Variants in PRKD1 observed in about 807,000 individuals in gnomAD.
PRKD1 encodes serine/threonine-protein kinase D1.
In PRKD1, 63 loss-of-function variants were observed where a neutral mutation model predicts 95.9. The ratio of observed to expected loss-of-function variants is 0.66; its 90% CI spans 0.54 to 0.81. The LOEUF is 0.81. Ranked by LOEUF, PRKD1 falls within the 30% of genes least tolerant of loss-of-function variation. The pLI is 0.00. For missense variants in PRKD1, 1,048 were observed against 1,165.3 expected (o/e 0.90, Z 1.47); for synonymous variants, 425 against 423.1 (o/e 1.00, Z -0.05).
chr14:29,679,839 T>A, intron 2 of PRKD1, among the ~76,000 whole-genome samples: 1 of 151,790 alleles, frequency 6.6e-6, no homozygotes, highest in East Asian at 1.9e-4. Context: ...GCAATTCTCC[T>A]GCCTCAGCCT....
chr14:29,696,608 T>A (rs531268199), intron 2 of PRKD1, among the ~76,000 whole-genome samples: 13 of 152,344 alleles, frequency 8.5e-5, no homozygotes, highest in Admixed American at 5.9e-4. Flanking sequence ...AAATTTTATA[T>A]GAGTGAATTT....
chr14:29,894,225 G>A (rs1894039521), intron 1 of PRKD1, among the ~76,000 whole-genome samples: 1 of 152,212 alleles, frequency 6.6e-6, no homozygotes, highest in Non-Finnish European at 1.5e-5. Context: ...GAGGTGGGAG[G>A]AGGCGGGGGA....
chr14:29,760,632 C>T (rs917912615), intron 1 of PRKD1, among the ~76,000 whole-genome samples: 1 of 152,024 alleles, frequency 6.6e-6, no homozygotes, highest in African/African-American at 2.4e-5. Context: ...GGATTACAGG[C>T]GTGAGCCACC....
At chr14:29,658,048 A>G (rs1881989498) in intron 4 of PRKD1, 1 of 152,220 alleles carries the variant, frequency 6.6e-6, no homozygotes. Context: ...ATTTGCATGC[A>G]GAAATGGCAA....
chr14:29,832,491 T>C (rs1399671279), intron 1 of PRKD1, among the ~76,000 whole-genome samples: 1 of 152,184 alleles, frequency 6.6e-6, no homozygotes, highest in Admixed American at 6.5e-5. Context: ...GTTTTTTTAA[T>C]AGTATCCTTT....
chr14:29,586,134 T>G (rs946551893), intron 16 of PRKD1, among the ~76,000 whole-genome samples: 1 of 152,174 alleles, frequency 6.6e-6, no homozygotes, highest in African/African-American at 2.4e-5. Context: ...AGAACATTGA[T>G]AGTGGTTAAA....
chr14:29,710,558 G>A (rs1259187207), intron 2 of PRKD1, among the ~76,000 whole-genome samples: 2 of 152,060 alleles, frequency 1.3e-5, no homozygotes, highest in Non-Finnish European at 1.5e-5. Flanking sequence ...CTGAGAAACC[G>A]TCACAGACCA....
At chr14:29,757,104 T>G (rs1484309028) in intron 1 of PRKD1, among the ~76,000 whole-genome samples, 1 of 152,192 alleles carries the variant, frequency 6.6e-6, no homozygotes, top group Non-Finnish European at 1.5e-5. Context: ...TGTGAATGGT[T>G]CTTAATAAAT....
chr14:29,606,014 T>C (rs535512414), intron 13 of PRKD1, among the ~76,000 whole-genome samples: 1 of 152,266 alleles, frequency 6.6e-6, no homozygotes, highest in Admixed American at 6.5e-5. Context: ...ACTTTTTTTT[T>C]CTTTTCCTTT....
chr14:29,781,242 A>G (rs1171253650), intron 1 of PRKD1, among the ~76,000 whole-genome samples: 2 of 152,140 alleles, frequency 1.3e-5, no homozygotes, highest in African/African-American at 2.4e-5. Flanking sequence ...TACAAATGTA[A>G]CAAACCTGCA....
At chr14:29,756,133 T>A (rs962498246) in intron 1 of PRKD1, among the ~76,000 whole-genome samples, 1 of 152,134 alleles carries the variant, frequency 6.6e-6, no homozygotes, top group Non-Finnish European at 1.5e-5. Context: ...GCACTCTCAA[T>A]ACCCCCATTG....
In PRKD1 at chr14:29,577,432, G is replaced by A. The variant is rs1419328188; in HGVS notation, c.2545C>T (p.Arg849Ter). ...LQDYQTWLDLRELECKIGERY... is the reference protein window; with the variant it reads ...LQDYQTWLDL ...TCCCCGATTTTGCATTCCAGCTCTC[G>A]CAAATCTAACCAGGTCTGATAGTCC... is the stretch of plus-strand genomic sequence containing the variant. The change falls in exon 18 of 18, where the codon CGA (arginine) becomes TGA (stop). Residue 849 changes from arginine (R) to a stop codon, truncating the protein, a stop_gained. Transcript: ENST00000331968. LOFTEE classifies it high-confidence loss of function. The A allele has an allele frequency of 2.5e-6, 4 of 1,613,600 alleles. No individual in the cohort carries two copies. The highest frequency in any genetic ancestry group is 1.7e-5 in the Admixed American group (1 of 59,936).
At chr14:29,629,158 T>TA (rs1319092855) in intron 10 of PRKD1, 65 bp from the exon 11 acceptor site, 53 of 1,333,146 alleles carry the variant, frequency 4.0e-5, no homozygotes, top group Non-Finnish European at 5.5e-5. Context: ...GCAAAACAAG[T>TA]AAGTACATGC....
chr14:29,776,238 C>A (rs1489385204), intron 1 of PRKD1, among the ~76,000 whole-genome samples: 1 of 152,200 alleles, frequency 6.6e-6, no homozygotes, highest in East Asian at 1.9e-4. Flanking sequence ...ATCAGAGCGC[C>A]TCTTCTCCTC....
At chr14:29,756,914 T>G (rs941236774) in intron 1 of PRKD1, among the ~76,000 whole-genome samples, 14 of 152,232 alleles carry the variant, frequency 9.2e-5, no homozygotes, top group Admixed American at 5.2e-4. Flanking sequence ...CTATGTGTCT[T>G]TTACTCTAAT....
intron 1 of PRKD1, among the ~76,000 whole-genome samples, chr14:29,790,813 T>C (rs769355591): frequency 1.3e-5 from 2 of 152,162 alleles, no homozygotes; most frequent in African/African-American, 2.4e-5. Context: ...AACAAAAAAG[T>C]TAGTCTTGCA....
At chr14:29,757,235 C>G (rs567125242) in intron 1 of PRKD1, among the ~76,000 whole-genome samples, 7 of 152,284 alleles carry the variant, frequency 4.6e-5, no homozygotes, top group African/African-American at 1.7e-4. Context: ...AGTGCCTGGC[C>G]ATGCAGAGAA....
At chr14:29,630,006 T>G (rs1414410752) in intron 10 of PRKD1, among the ~76,000 whole-genome samples, 1 of 133,782 alleles carries the variant, frequency 7.5e-6, no homozygotes, top group Non-Finnish European at 1.5e-5. Context: ...CTTCTTCTCC[T>G]TCTCCTTCTT....
intron 1 of PRKD1, among the ~76,000 whole-genome samples, chr14:29,872,621 A>C (rs1027369177): frequency 1.3e-5 from 2 of 150,432 alleles, no homozygotes; most frequent in Admixed American, 6.7e-5. Flanking sequence ...AAGCCACTGC[A>C]CTCCAGCCTG....
Sources: gnomAD v4.1 joint callset for allele counts (sites outside exome capture counted in the v4.1 genomes callset) on GRCh38, gnomAD v4.1.1 for gene constraint, MANE v1.5 for transcripts, NCBI Gene and HGNC (gene_info 2026-07-23, HGNC 2026-07-21) for gene names.